Variants in NAA38 observed in about 807,000 individuals in gnomAD.
NAA38 encodes the protein N-alpha-acetyltransferase 38, NatC auxiliary subunit.
A neutral mutation model predicts 12.6 loss-of-function variants in NAA38; 15 were observed. The observed-to-expected ratio is 1.19, with a 90% CI of 0.79 to 1.83. The LOEUF (loss-of-function observed/expected upper bound fraction) is 1.83, where lower values mean the gene tolerates loss of function less well. NAA38 is among the 40% of genes most tolerant of loss of function. The pLI, the probability that NAA38 is intolerant of heterozygous loss-of-function variation, is 0.00. For synonymous variants in NAA38, 88 were observed against 69.9 expected (o/e 1.26, Z -1.29); for missense variants, 183 against 171.7 (o/e 1.07, Z -0.37).
upstream of NAA38, chr17:7,858,357 T>A: frequency 1.2e-6 from 2 of 1,614,014 alleles, no homozygotes; most frequent in Non-Finnish European, 1.7e-6. Context: ...GTTTGCCTGG[T>A]TCTCGAAGGG....
intron 2 of NAA38, among the ~76,000 whole-genome samples, chr17:7,870,508 G>A (rs1041070497): frequency 3.9e-5 from 6 of 152,172 alleles, no homozygotes; most frequent in African/African-American, 1.4e-4. Context: ...ATATATTGCA[G>A]TATTTGGGTT....
chr17:7,874,754 C>T (rs944236282), intron 2 of NAA38, among the ~76,000 whole-genome samples: 3 of 151,464 alleles, frequency 2.0e-5, no homozygotes, highest in South Asian at 2.1e-4. Flanking sequence ...GGTGTGGTGG[C>T]GGGCGCCTGT....
chr17:7,859,266 CG>C, upstream of NAA38: 2 of 771,416 alleles, frequency 2.6e-6, no homozygotes, highest in Admixed American at 2.7e-5. Flanking sequence ...TTTTTTTTCC[CG>C]GGGCCGTAGA....
upstream of NAA38, chr17:7,860,890 C>T (rs1412000048): frequency 6.6e-6 from 1 of 152,022 alleles, no homozygotes; most frequent in Non-Finnish European, 1.5e-5. Flanking sequence ...TGAAGGAAAA[C>T]TAGAGTGGGG....
At chr17:7,857,917 G>T (rs1342058446), upstream of NAA38, 1 of 1,420,826 alleles carries the variant, frequency 7.0e-7, no homozygotes, top group Admixed American at 2.9e-5. Flanking sequence ...GCCCCACGCG[G>T]GACTCATACT....
chr17:7,884,624 G>A (rs1363160363), intron 1 of NAA38, among the ~76,000 whole-genome samples: 5 of 111,678 alleles, frequency 4.5e-5, no homozygotes, highest in Non-Finnish European at 9.7e-5. Context: ...GAGGGTGGGG[G>A]TTTCGGAGGG....
In NAA38 at chr17:7,856,863, C is replaced by G; in HGVS notation, c.266-20G>C. 2 of 1,611,952 alleles carry G rather than the reference C, an allele frequency of 1.2e-6. No individual in the cohort carries two copies. Among genetic ancestry groups the G allele is most frequent in the African/African-American group, 1.3e-5 (1 of 75,026 alleles). On this transcript the variant is annotated intron_variant, in intron 2 of 2. Transcript: ENST00000575771. ...AGGAATCTGGAAAGAAGGATCAGAG[C>G]ATCAGGAAAGTAGGCCAGAATCAGT...
At chr17:7,884,071 A>AACACACACACAC (rs149257134) in intron 1 of NAA38, among the ~76,000 whole-genome samples, 2,001 of 148,632 alleles carry the variant, frequency 0.013, 48 homozygotes, top group African/African-American at 0.046. Context: ...ATGCCCCCCC[A>AACACACACACAC]ACACACACAC....
At chr17:7,866,914 A>G (rs1966993567) in intron 2 of NAA38, among the ~76,000 whole-genome samples, 1 of 152,180 alleles carries the variant, frequency 6.6e-6, no homozygotes. Context: ...GAATGAACAA[A>G]TATTTGGTGA....
Position 7,857,372 on chromosome 17 carries a change from C to G in NAA38, c.81+11G>C, listed in dbSNP as rs756189446. 1.2e-6 allele frequency: 2 copies of G among 1,612,164 alleles called. No individual in the cohort carries two copies. Among genetic ancestry groups the G allele is most frequent in the Admixed American group, 3.4e-5 (2 of 59,688 alleles). ...CTGCCCCTCAGTCCCAGAACCAGAG[C>G]CCGTGCTAACCCCAGCACTGGAGCT... On this transcript the variant is annotated intron_variant, in intron 1 of 2. Transcript: ENST00000575771.
chr17:7,857,666 G>C, upstream of NAA38: 1 of 1,328,612 alleles, frequency 7.5e-7, no homozygotes, highest in South Asian at 2.3e-5. Flanking sequence ...TACTACGCCG[G>C]ATGTCTTAAG....
intron 2 of NAA38, among the ~76,000 whole-genome samples, chr17:7,874,872 C>A (rs1597882109): frequency 1.3e-5 from 1 of 75,934 alleles, no homozygotes; most frequent in Non-Finnish European, 2.5e-5. Flanking sequence ...GCAATAAGAG[C>A]AAAACTCCAT....
chr17:7,882,367 C>G (rs1967289560), intron 2 of NAA38, among the ~76,000 whole-genome samples: 2 of 152,112 alleles, frequency 1.3e-5, no homozygotes, highest in African/African-American at 4.8e-5. Context: ...GAGTCAGGCA[C>G]ACATGAGGAA....
chr17:7,867,142 G>C (rs776090618), intron 2 of NAA38, among the ~76,000 whole-genome samples: 50 of 152,286 alleles, frequency 3.3e-4, no homozygotes, highest in Non-Finnish European at 5.9e-4. Context: ...GGAGAGCTCG[G>C]AGGCAGAAGG....
chr17:7,877,371 C>A (rs1028275892), intron 2 of NAA38, among the ~76,000 whole-genome samples: 7 of 135,484 alleles, frequency 5.2e-5, no homozygotes, highest in Non-Finnish European at 9.3e-5. Flanking sequence ...TAAATGATGT[C>A]ATTTTTTTTT....
chr17:7,870,883 C>T (rs1434016032), intron 2 of NAA38, among the ~76,000 whole-genome samples: 2 of 128,870 alleles, frequency 1.6e-5, no homozygotes, highest in East Asian at 8.5e-4. Flanking sequence ...AGCAAGACTC[C>T]ACCTCAAAAA....
rs1283008846 is a variant in NAA38 at position 7,857,199 on chromosome 17, C to T, written c.82-1G>A. The T allele has an allele frequency of 6.2e-7, 1 of 1,613,024 alleles. No individual in the cohort carries two copies. Among genetic ancestry groups the T allele is most frequent in the African/African-American group, 1.3e-5 (1 of 75,068 alleles). Reference sequence around the variant, plus strand: ...AGTCCTCGCGCTCTCCGTCCGAATCCTGCGCGGGGTGTAACAAGCGCTCAG... The same window carrying T: ...AGTCCTCGCGCTCTCCGTCCGAATCTTGCGCGGGGTGTAACAAGCGCTCAG... On this transcript the variant is annotated splice_acceptor_variant, in intron 1 of 2. Transcript: ENST00000575771. LOFTEE classifies it high-confidence loss of function.
upstream of NAA38, chr17:7,857,788 T>G (rs949390888): frequency 1.9e-5 from 24 of 1,292,822 alleles, no homozygotes; most frequent in African/African-American, 5.9e-5. Context: ...CTCAGAGAGA[T>G]AGTCTGTCCT....
intron 2 of NAA38, among the ~76,000 whole-genome samples, chr17:7,875,684 C>A (rs1017100961): frequency 1.3e-5 from 2 of 152,110 alleles, no homozygotes; most frequent in Admixed American, 6.6e-5. Flanking sequence ...CCTTATTCAC[C>A]ATTTTAAAGT....
Sources: allele counts gnomAD v4.1 joint callset (sites outside exome capture counted in the v4.1 genomes callset), GRCh38; gene constraint gnomAD v4.1.1; transcripts MANE v1.5; gene names NCBI Gene and HGNC (gene_info 2026-07-23, HGNC 2026-07-21).